The following ZBTB20 variants were observed in gnomAD, a reference collection of about 807,000 sequenced individuals.
ZBTB20 encodes zinc finger and BTB domain containing 20.
In ZBTB20, 9 loss-of-function variants were observed where a neutral mutation model predicts 56.9. The observed-to-expected ratio is 0.16, with a 90% CI of 0.10 to 0.28. The LOEUF (loss-of-function observed/expected upper bound fraction) is 0.28, where lower values mean the gene tolerates loss of function less well. ZBTB20 is among the 10% of genes least tolerant of loss of function. The pLI, the probability that ZBTB20 is intolerant of heterozygous loss-of-function variation, is 1.00. For missense variants in ZBTB20, 655 were observed against 1,003.0 expected (o/e 0.65, Z 4.69); for synonymous variants, 417 against 420.7 (o/e 0.99, Z 0.11).
intron 6 of ZBTB20, among the ~76,000 whole-genome samples, chr3:114,514,861 C>A (rs1371664132): frequency 6.6e-6 from 1 of 152,108 alleles, no homozygotes; most frequent in Non-Finnish European, 1.5e-5. Flanking sequence ...GAATCCAAGG[C>A]AAAAAATAAA....
Position 115,046,853 on chromosome 3 carries a change from T to G in ZBTB20, c.-507+24366A>C, listed in dbSNP as rs547850912. On this transcript the variant is annotated intron_variant, in intron 2 of 11. Coordinates refer to ENST00000675478, the MANE Select transcript of ZBTB20 (RefSeq NM_001348800.3). ...AAACAAACAAACAAACACAAATATC[T>G]ATTATAGAGTATGGGTTTTTAGTGA... Among the ~76,000 whole-genome samples, 4 of 152,186 alleles carry G rather than the reference T, an allele frequency of 2.6e-5. No individual in the cohort carries two copies. In the East Asian group the frequency reaches 7.7e-4, roughly 29 times the overall value.
At chr3:114,989,250 C>T (rs1421699766) in intron 2 of ZBTB20, among the ~76,000 whole-genome samples, 1 of 152,162 alleles carries the variant, frequency 6.6e-6, no homozygotes, top group Non-Finnish European at 1.5e-5. Context: ...ACATTTAAGT[C>T]TTTAATCCAT....
chr3:114,339,728 G>A lies in ZBTB20; in HGVS notation c.1805-302C>T, dbSNP rs549420758. ...CACTAAAAGTCTTCAAGGTCACTCC[G>A]TGGAAAAGGGAGGGCTACTTTTGAA... On this transcript the variant is annotated intron_variant, in intron 11 of 11. Transcript: ENST00000675478. The surrounding 1 kb of genome is among the most constrained non-coding windows in gnomAD (Gnocchi z 4.2). Among the ~76,000 whole-genome samples the A allele has an allele frequency of 1.8e-4, 27 of 152,262 alleles. No homozygotes were observed. The highest frequency in any genetic ancestry group is 3.4e-4 in the Non-Finnish European group (23 of 68,008).
intron 7 of ZBTB20, among the ~76,000 whole-genome samples, chr3:114,406,488 C>G (rs2087333731): frequency 6.6e-6 from 1 of 152,100 alleles, no homozygotes; most frequent in African/African-American, 2.4e-5. Flanking sequence ...ACACAAACAA[C>G]TTCCTGTACC....
At chr3:115,080,676 T>C (rs1248422795) in intron 1 of ZBTB20, among the ~76,000 whole-genome samples, 1 of 152,186 alleles carries the variant, frequency 6.6e-6, no homozygotes, top group Non-Finnish European at 1.5e-5. Flanking sequence ...AAAAAACAGA[T>C]TCTTGGATAA....
At chr3:114,620,048 C>T (rs9849279) in intron 6 of ZBTB20, among the ~76,000 whole-genome samples, 21,825 of 152,218 alleles carry the variant, frequency 0.14, 1,834 homozygotes, top group Admixed American at 0.25. Context: ...TTTCTGACTA[C>T]ATGAGCTGAC....
chr3:115,028,245 C>G (rs1373938208), intron 2 of ZBTB20, among the ~76,000 whole-genome samples: 1 of 150,552 alleles, frequency 6.6e-6, no homozygotes, highest in Non-Finnish European at 1.5e-5. Context: ...GTAACAAAAA[C>G]AAAATATTTC....
intron 2 of ZBTB20, among the ~76,000 whole-genome samples, chr3:115,045,661 T>A (rs6807969): frequency 0.093 from 14,147 of 151,940 alleles, 1,934 homozygotes; most frequent in African/African-American, 0.3. Flanking sequence ...ACTTTTATAA[T>A]AGGAAAGGAA....
intron 7 of ZBTB20, among the ~76,000 whole-genome samples, chr3:114,423,880 T>C (rs929729486): frequency 8.5e-5 from 13 of 152,244 alleles, no homozygotes; most frequent in African/African-American, 3.1e-4. Flanking sequence ...TACTCTTTCA[T>C]AAAATGTATG....
chr3:114,423,879 A>G (rs1445491255), intron 7 of ZBTB20, among the ~76,000 whole-genome samples: 1 of 152,224 alleles, frequency 6.6e-6, no homozygotes, highest in Admixed American at 6.5e-5. Flanking sequence ...ATACTCTTTC[A>G]TAAAATGTAT....
At chr3:114,567,862 A>C (rs2052964763) in intron 6 of ZBTB20, among the ~76,000 whole-genome samples, 1 of 152,260 alleles carries the variant, frequency 6.6e-6, no homozygotes, top group Admixed American at 6.5e-5. Flanking sequence ...AGAGACAAGT[A>C]AATTACTATC....
intron 6 of ZBTB20, among the ~76,000 whole-genome samples, chr3:114,625,334 G>T (rs1476169698): frequency 6.6e-6 from 1 of 152,120 alleles, no homozygotes; most frequent in Admixed American, 6.6e-5. Flanking sequence ...GCTCATTAAG[G>T]TTTCTGAAAT....
intron 6 of ZBTB20, among the ~76,000 whole-genome samples, chr3:114,524,481 G>T (rs972418169): frequency 6.6e-6 from 1 of 152,026 alleles, no homozygotes; most frequent in African/African-American, 2.4e-5. Context: ...TGAGCTAGGG[G>T]CTAACGTTTT....
intron 2 of ZBTB20, among the ~76,000 whole-genome samples, chr3:115,004,020 T>C (rs932257245): frequency 6.6e-6 from 1 of 151,702 alleles, no homozygotes; most frequent in Admixed American, 6.6e-5. Context: ...TATAGTCATT[T>C]TAAAATTAAT....
intron 1 of ZBTB20, among the ~76,000 whole-genome samples, chr3:115,142,352 A>G (rs545759699): frequency 1.6e-4 from 24 of 152,204 alleles, no homozygotes; most frequent in African/African-American, 5.5e-4. Flanking sequence ...CCATTCTTCC[A>G]TTTTGCTCTT....
At chr3:114,420,960 G>C (rs945301835) in intron 7 of ZBTB20, among the ~76,000 whole-genome samples, 3 of 152,100 alleles carry the variant, frequency 2.0e-5, no homozygotes, top group African/African-American at 4.8e-5. Context: ...AAGTAGCCTA[G>C]CACAAATTAT....
chr3:114,828,154 G>C (rs1023205534), intron 4 of ZBTB20, among the ~76,000 whole-genome samples: 24 of 151,630 alleles, frequency 1.6e-4, no homozygotes, highest in African/African-American at 5.6e-4. Context: ...GATCTGTAGA[G>C]AAAGTCTGAT....
chr3:114,664,778 G>A (rs2060954118), intron 6 of ZBTB20, among the ~76,000 whole-genome samples: 1 of 151,986 alleles, frequency 6.6e-6, no homozygotes, highest in Non-Finnish European at 1.5e-5. Context: ...AACAAAAAAA[G>A]GCTTAGAGAA....
chr3:114,365,419 T>C lies in ZBTB20; in HGVS notation c.200-13541A>G, dbSNP rs113386554. 4.1e-3 allele frequency among the ~76,000 whole-genome samples: 629 copies of C among 152,336 alleles called. 1 individual carries two copies. Among genetic ancestry groups the C allele is most frequent in the Non-Finnish European group, 6.6e-3 (446 of 68,020 alleles). On this transcript the variant is annotated intron_variant, in intron 10 of 11. Transcript: ENST00000675478. ...CAGCAGGAGGGCACTAAGATTTCTA[T>C]GCCAAGCTCTTGTTTCCCTGGGCCA...
Sources: allele counts gnomAD v4.1 joint callset (sites outside exome capture counted in the v4.1 genomes callset), GRCh38; gene constraint gnomAD v4.1.1; non-coding constraint Gnocchi (gnomAD v3.1); transcripts MANE v1.5; gene names NCBI Gene and HGNC (gene_info 2026-07-23, HGNC 2026-07-21).